Variants in KTN1 observed in about 807,000 individuals in gnomAD.
KTN1 encodes kinectin 1, also known as kinectin.
A neutral mutation model predicts 222.5 loss-of-function variants in KTN1; 130 were observed. The ratio of observed to expected loss-of-function variants is 0.58; its 90% CI spans 0.51 to 0.68. KTN1 has a LOEUF of 0.68. Ranked by LOEUF, KTN1 falls within the 30% of genes least tolerant of loss-of-function variation. The pLI, the probability that KTN1 is intolerant of heterozygous loss-of-function variation, is 0.00. For synonymous variants in KTN1, 512 were observed against 496.3 expected, an observed-to-expected ratio of 1.03 and a Z score of -0.42; for missense variants, 1,508 against 1,500.4, an observed-to-expected ratio of 1.01 and a Z score of -0.08.
chr14:55,625,404 T>C (rs1290338623), intron 5 of KTN1, among the ~76,000 whole-genome samples: 1 of 152,212 alleles, frequency 6.6e-6, no homozygotes, highest in African/African-American at 2.4e-5. Context: ...TTGGGCCCCA[T>C]GCTGTGTAGC....
In KTN1 at chr14:55,627,976, C is replaced by G; in HGVS notation, c.1028C>G (p.Ala343Gly). 1 of 1,613,858 alleles carries G rather than the reference C, an allele frequency of 6.2e-7. No homozygotes were observed. Residue 343 changes from alanine (A) to glycine (G), a missense_variant, in exon 6 of 44, where the codon GCT becomes GGT. Physicochemically the swap from Ala to Gly is moderately conservative, Grantham distance 60. Transcript: ENST00000395314. ...CAAGAAAAGGACAAGTTACTCGCTGCTGTGAAGGAAGATGCTGCTGCTACA... is the reference window on the plus strand; with the variant it reads ...CAAGAAAAGGACAAGTTACTCGCTGGTGTGAAGGAAGATGCTGCTGCTACA... ...QLQEKDKLLAAVKEDAAATKD... is the reference protein window; with the variant it reads ...QLQEKDKLLAGVKEDAAATKD...
chr14:55,656,097 G>A lies in KTN1; in HGVS notation c.2857G>A (p.Glu953Lys), dbSNP rs1345179987. The A allele has an allele frequency of 3.1e-6, 5 of 1,610,406 alleles. No homozygotes were observed. The highest frequency in any genetic ancestry group is 2.5e-6 in the Non-Finnish European group (3 of 1,177,196). ...GTTAGAAGCCATGCTAAAAGAGAGGGAGAGTGATCTTTCTAGCAAAACACA... is the reference window on the plus strand; with the variant it reads ...GTTAGAAGCCATGCTAAAAGAGAGGAAGAGTGATCTTTCTAGCAAAACACA... ...KRLEAMLKER[E>K]SDLSSKTQLL... The change falls in exon 29 of 44, where the codon GAG becomes AAG. Residue 953 changes from glutamate to lysine, a missense_variant. Physicochemically the swap from Glu to Lys is moderately conservative, Grantham distance 56 (BLOSUM62 1). Transcript: ENST00000395314.
At chr14:55,649,837 C>G (rs1352848256) in intron 22 of KTN1, 24 bp downstream of exon 22, 2 of 1,385,732 alleles carry the variant, frequency 1.4e-6, no homozygotes, top group East Asian at 4.8e-5. Context: ...TTATTATAAA[C>G]TGGTTTTTCT....
At chr14:55,667,124 ATTT>A (rs1192216094) in intron 33 of KTN1, 114 bp from the exon 34 acceptor site, 1 of 642,144 alleles carries the variant, frequency 1.6e-6, no homozygotes, top group Admixed American at 3.3e-5. Context: ...AGTATTAAAA[ATTT>A]TTTTTAAACT....
Position 55,667,234 on chromosome 14 carries a change from G to C in KTN1, c.3178-7G>C. The C allele has an allele frequency of 6.4e-7, 1 of 1,570,030 alleles. No individual in the cohort carries two copies. The highest frequency in any genetic ancestry group is 8.7e-7 in the Non-Finnish European group (1 of 1,151,700). On this transcript the variant is annotated splice_region_variant and splice_polypyrimidine_tract_variant and intron_variant, in intron 33 of 43. Coordinates refer to ENST00000395314, the MANE Select transcript of KTN1 (RefSeq NM_001079521.2). ...GTAAGTTTGATTTGGCTCATCTTCT[G>C]CTTTAGGAAAGGCAGCAACAGGTGG... is the stretch of plus-strand genomic sequence containing the variant.
chr14:55,646,923 T>C, intron 18 of KTN1, 50 bp from the exon 19 acceptor site: 1 of 1,158,402 alleles, frequency 8.6e-7, no homozygotes, highest in Non-Finnish European at 1.3e-6. Context: ...CTGGTTTTAC[T>C]TCATGCAAAT....
chr14:55,664,057 CCT>C lies in KTN1; in HGVS notation c.3177+17_3177+18del, dbSNP rs759377331. ...GACTTCCAAGGTTGTAATGCTAACT[CCT>C]AGAAACAATCCACTGAACAGAGAAA... On this transcript the variant is annotated intron_variant, in intron 33 of 43. Transcript: ENST00000395314. The C allele has an allele frequency of 6.4e-7, 1 of 1,566,002 alleles. No individual in the cohort carries two copies. Among genetic ancestry groups the C allele is most frequent in the South Asian group, 1.1e-5 (1 of 88,700 alleles).
In KTN1 at chr14:55,585,969, G is replaced by A. The variant is rs553948406; in HGVS notation, c.-31+5615G>A. Among the ~76,000 whole-genome samples, 6 of 152,302 alleles carry A rather than the reference G, an allele frequency of 3.9e-5. No homozygotes were observed. In the South Asian group the frequency reaches 1.2e-3, roughly 32 times the overall value. ...GTTTTCAGAACTTATGTGAATTCAA[G>A]TAAGTGTACATTGTCTATCAGGAGA... is the stretch of plus-strand genomic sequence containing the variant. On this transcript the variant is annotated intron_variant, in intron 1 of 43. Coordinates refer to ENST00000395314, the MANE Select transcript of KTN1 (RefSeq NM_001079521.2).
At chr14:55,637,567 T>C (rs1466894776) in intron 11 of KTN1, among the ~76,000 whole-genome samples, 1 of 151,500 alleles carries the variant, frequency 6.6e-6, no homozygotes, top group Non-Finnish European at 1.5e-5. Flanking sequence ...TTGTGTTAGA[T>C]TAGGAATAGC....
At chr14:55,598,517 T>C (rs541836764) in intron 1 of KTN1, among the ~76,000 whole-genome samples, 1 of 148,042 alleles carries the variant, frequency 6.8e-6, no homozygotes, top group African/African-American at 2.5e-5. Context: ...AAAAAAAAAA[T>C]TACATTCTGG....
chr14:55,593,722 A>G (rs1369657252), intron 1 of KTN1, among the ~76,000 whole-genome samples: 5 of 152,150 alleles, frequency 3.3e-5, no homozygotes, highest in African/African-American at 9.7e-5. Flanking sequence ...TTAATTTGCT[A>G]TGACATTGGA....
intron 43 of KTN1, chr14:55,682,754 T>C (rs2046479643): frequency 6.6e-6 from 1 of 152,184 alleles, no homozygotes; most frequent in Non-Finnish European, 1.5e-5. Flanking sequence ...GTAATTTGGG[T>C]ACAGGGCTTG....
At chr14:55,643,638 G>A (rs557924972) in intron 18 of KTN1, among the ~76,000 whole-genome samples, 45 of 152,246 alleles carry the variant, frequency 3.0e-4, no homozygotes, top group Admixed American at 1.8e-3. Flanking sequence ...AGGTGCTGGC[G>A]ACTCTTATTT....
chr14:55,606,564 A>G (rs1323257598), intron 1 of KTN1, among the ~76,000 whole-genome samples: 1 of 152,162 alleles, frequency 6.6e-6, no homozygotes, highest in South Asian at 2.1e-4. Flanking sequence ...GAAGAAAAGG[A>G]TAGCAGAAGC....
At chr14:55,644,196 A>C in intron 18 of KTN1, 1 of 449,058 alleles carries the variant, frequency 2.2e-6, no homozygotes, top group Non-Finnish European at 4.0e-6. Flanking sequence ...TAGTGAAAGA[A>C]GAGAAAAGAT....
In KTN1 at chr14:55,672,748, G is replaced by A. The variant is rs1178606185; in HGVS notation, c.3603+47G>A. On this transcript the variant is annotated intron_variant, in intron 38 of 43. Transcript: ENST00000395314. Reference sequence around the variant, plus strand: ...CTTGTAACCTATGGATTTGTTTTTAGCATTAACGGTTGTCTGAAGATCTAT... The same window carrying A: ...CTTGTAACCTATGGATTTGTTTTTAACATTAACGGTTGTCTGAAGATCTAT... The A allele has an allele frequency of 2.3e-6, 3 of 1,293,732 alleles. No individual in the cohort carries two copies. The South Asian group carries it at 3.6e-5, about 16-fold the overall frequency. The allele number at this position is 1,293,732 out of a possible 1,614,324, so 80.1% of individuals were successfully genotyped here. A position where few individuals can be genotyped will look rare whatever the true frequency, so the allele number is the denominator to read the frequency against.
rs529948487 is a variant in KTN1 at position 55,641,583 on chromosome 14, T to C, written c.2104-109T>C. 6 of 768,804 alleles carry C rather than the reference T, an allele frequency of 7.8e-6. No homozygotes were observed. The Admixed American group carries it at 1.2e-4, about 15-fold the overall frequency. The allele number at this position is 768,804 out of a possible 1,614,324, so 47.6% of individuals were successfully genotyped here. On this transcript the variant is annotated intron_variant, in intron 17 of 43. Coordinates refer to ENST00000395314, the MANE Select transcript of KTN1 (RefSeq NM_001079521.2). ...TCAGTGTATAATTCACCTGTCACTT[T>C]GAGGACTGAAAGCTGAGATAAAGGT...
At chr14:55,661,273 G>T in intron 31 of KTN1, 1 of 313,076 alleles carries the variant, frequency 3.2e-6, no homozygotes, top group East Asian at 5.5e-5. Flanking sequence ...GTTTCTTAGG[G>T]GATGAGATTT....
chr14:55,666,008 A>T (rs1310215790), intron 33 of KTN1, among the ~76,000 whole-genome samples: 1 of 151,976 alleles, frequency 6.6e-6, no homozygotes, highest in Non-Finnish European at 1.5e-5. Context: ...ACTTTGGTCA[A>T]ATGATAAGAA....
Sources: gnomAD v4.1 joint callset for allele counts (sites outside exome capture counted in the v4.1 genomes callset) on GRCh38, gnomAD v4.1.1 for gene constraint, MANE v1.5 for transcripts, NCBI Gene and HGNC (gene_info 2026-07-23, HGNC 2026-07-21) for gene names.